STX8: variants seen among roughly 807,000 people sequenced by gnomAD.
STX8 encodes syntaxin 8.
In STX8, 23 loss-of-function variants were observed where a neutral mutation model predicts 37.5. That is an observed-to-expected ratio of 0.61 (90% CI 0.44 to 0.87). The LOEUF (loss-of-function observed/expected upper bound fraction) is 0.87, where lower values mean the gene tolerates loss of function less well. STX8 is among the 40% of genes least tolerant of loss of function. The pLI, the probability that STX8 is intolerant of heterozygous loss-of-function variation, is 0.00. For missense variants in STX8, 313 were observed against 284.7 expected (o/e 1.10, Z -0.71); for synonymous variants, 115 against 99.1 (o/e 1.16, Z -0.95).
At chr17:9,438,226 G>A (rs1485529497) in intron 6 of STX8, among the ~76,000 whole-genome samples, 1 of 134,836 alleles carries the variant, frequency 7.4e-6, no homozygotes, top group African/African-American at 2.9e-5. Context: ...CTGGGTGAGA[G>A]TGAGACTCCA....
intron 7 of STX8, among the ~76,000 whole-genome samples, chr17:9,359,430 T>A (rs1442881064): frequency 1.3e-5 from 2 of 151,780 alleles, no homozygotes; most frequent in African/African-American, 2.4e-5. Flanking sequence ...GAGAAATCCC[T>A]TGAAGGGCTC....
At chr17:9,484,485 G>C (rs919011298) in intron 6 of STX8, among the ~76,000 whole-genome samples, 1 of 151,840 alleles carries the variant, frequency 6.6e-6, no homozygotes, top group African/African-American at 2.4e-5. Context: ...ATTGGCAGGA[G>C]GGGGAAGGTA....
At chr17:9,398,261 A>C (rs1912479944) in intron 6 of STX8, among the ~76,000 whole-genome samples, 1 of 152,216 alleles carries the variant, frequency 6.6e-6, no homozygotes, top group Non-Finnish European at 1.5e-5. Context: ...TCACATTCAC[A>C]GTATGTGACA....
intron 6 of STX8, among the ~76,000 whole-genome samples, chr17:9,400,974 T>G (rs1402447812): frequency 1.3e-5 from 2 of 152,200 alleles, no homozygotes; most frequent in Non-Finnish European, 1.5e-5. Flanking sequence ...TCATGAAATA[T>G]CTAGACCCGA....
At chr17:9,337,613 C>T (rs1469205029) in intron 7 of STX8, among the ~76,000 whole-genome samples, 2 of 152,122 alleles carry the variant, frequency 1.3e-5, no homozygotes, top group Non-Finnish European at 2.9e-5. Flanking sequence ...GTGATCTGCC[C>T]GCCTTGGCCT....
At chr17:9,530,521 T>G (rs1383289165) in intron 4 of STX8, among the ~76,000 whole-genome samples, 1 of 152,200 alleles carries the variant, frequency 6.6e-6, no homozygotes, top group African/African-American at 2.4e-5. Context: ...TTTTAGCCAT[T>G]CTTGTAGTAT....
rs539401156 is a variant in STX8, at chr17:9,259,766, A to G, written c.644-9121T>C. Among the ~76,000 whole-genome samples, 7 of 152,228 alleles carry G rather than the reference A, an allele frequency of 4.6e-5. No individual in the cohort carries two copies. The South Asian group carries it at 1.5e-3, about 32-fold the overall frequency. On this transcript the variant is annotated intron_variant, in intron 7 of 7. Coordinates refer to ENST00000306357, the MANE Select transcript of STX8 (RefSeq NM_004853.3). ...GTCACAGGACGGGGTCACAGGCAGG[A>G]GGAGGAGAAGGTTAAAGCAAACCAC...
chr17:9,565,201 C>A lies in STX8; in HGVS notation c.117+3170G>T, dbSNP rs532689533. 2.6e-3 allele frequency among the ~76,000 whole-genome samples: 392 copies of A among 152,238 alleles called. 1 individual carries two copies. Among genetic ancestry groups the A allele is most frequent in the African/African-American group, 8.8e-3 (365 of 41,544 alleles). ...CCAGCATGGGCGACAGAGCAAGACT[C>A]TGTCTCAAAAAGAAATAATAAAATA... On this transcript the variant is annotated intron_variant, in intron 2 of 7. Coordinates refer to ENST00000306357, the MANE Select transcript of STX8 (RefSeq NM_004853.3).
intron 5 of STX8, among the ~76,000 whole-genome samples, chr17:9,503,984 G>A (rs78761466): frequency 0.17 from 25,080 of 151,776 alleles, 2,198 homozygotes; most frequent in South Asian, 0.24. Flanking sequence ...GGCTGGTCTC[G>A]AACTCCTGAT....
chr17:9,507,953 A>C lies in STX8; in HGVS notation c.324-2791T>G. ...CTTTCCCTGCAAAACCTACCACATAAAATTGGAAGAGGCAATTATTCCACC... is the reference window on the plus strand; with the variant it reads ...CTTTCCCTGCAAAACCTACCACATACAATTGGAAGAGGCAATTATTCCACC... On this transcript the variant is annotated intron_variant, in intron 4 of 7. Transcript: ENST00000306357. The surrounding 1 kb of genome is among the most constrained non-coding windows in gnomAD (Gnocchi z 4.0). Among the ~76,000 whole-genome samples, 1 of 152,180 alleles carries C rather than the reference A, an allele frequency of 6.6e-6. No individual in the cohort carries two copies. The highest frequency in any genetic ancestry group is 1.9e-4 in the East Asian group (1 of 5,194).
At chr17:9,280,410 G>A (rs909337278) in intron 7 of STX8, among the ~76,000 whole-genome samples, 7 of 152,136 alleles carry the variant, frequency 4.6e-5, no homozygotes, top group Non-Finnish European at 8.8e-5. Flanking sequence ...AAAATTAGCC[G>A]GGTGTGGTGG....
intron 2 of STX8, among the ~76,000 whole-genome samples, chr17:9,559,741 T>TAC (rs1907131172): frequency 7.3e-5 from 2 of 27,258 alleles, no homozygotes; most frequent in Non-Finnish European, 1.2e-4. Flanking sequence ...ATTTTATATA[T>TAC]ATATATATAT....
In STX8 at chr17:9,292,290, C is replaced by T. The variant is rs56872073; in HGVS notation, c.644-41645G>A. On this transcript the variant is annotated intron_variant, in intron 7 of 7. Coordinates refer to ENST00000306357, the MANE Select transcript of STX8 (RefSeq NM_004853.3). ...TGGAAGTCAGTGTCACGGTCTCCAC[C>T]GTGGGGCCTGTCCGTGGGGCTTCAG... Among the ~76,000 whole-genome samples, 159 of 152,338 alleles carry T rather than the reference C, an allele frequency of 1.0e-3. 1 individual carries two copies. Among genetic ancestry groups the T allele is most frequent in the African/African-American group, 3.2e-3 (135 of 41,572 alleles).
rs757411419 is a variant in STX8, at chr17:9,471,031, C to CTTTTTTTTTTTTTTTTTTTTTTTTTTTT, written c.541+20797_541+20798insAAAAAAAAAAAAAAAAAAAAAAAAAAAA. On this transcript the variant is annotated intron_variant, in intron 6 of 7. Transcript: ENST00000306357. The stretch of plus-strand genomic sequence containing the variant: ...TACAGGCGTGAGCCACTGCATCCTG[C>CTTTTTTTTTTTTTTTTTTTTTTTTTTTT]TTTTTTTTTTTTTTTTTTTTTTTGA... Among the ~76,000 whole-genome samples the CTTTTTTTTTTTTTTTTTTTTTTTTTTTT allele has an allele frequency of 1.1e-3, 37 of 33,054 alleles. 11 individuals are homozygous for CTTTTTTTTTTTTTTTTTTTTTTTTTTTT. Among genetic ancestry groups the CTTTTTTTTTTTTTTTTTTTTTTTTTTTT allele is most frequent in the Admixed American group, 2.4e-3 (5 of 2,110 alleles). The allele number at this position is 33,054 out of a possible 152,430, so 21.7% of individuals were successfully genotyped here.
At chr17:9,340,471 AAAACATGAT>A (rs1305360155) in intron 7 of STX8, among the ~76,000 whole-genome samples, 1 of 152,334 alleles carries the variant, frequency 6.6e-6, no homozygotes, top group East Asian at 1.9e-4. Flanking sequence ...CTGCAAAAGG[AAAACATGAT>A]AAACACTAGC....
chr17:9,340,142 C>T (rs1399923749), intron 7 of STX8, among the ~76,000 whole-genome samples: 1 of 152,234 alleles, frequency 6.6e-6, no homozygotes, highest in Non-Finnish European at 1.5e-5. Flanking sequence ...TTGGAATGTG[C>T]ACCTGCGTGG....
At chr17:9,525,344 CTCTTT>C (rs553454809) in intron 4 of STX8, among the ~76,000 whole-genome samples, 64 of 151,666 alleles carry the variant, frequency 4.2e-4, no homozygotes, top group African/African-American at 1.4e-3. Flanking sequence ...TCTCCATTTT[CTCTTT>C]TCTTTTTTTT....
intron 7 of STX8, among the ~76,000 whole-genome samples, chr17:9,340,080 A>G (rs193007100): frequency 1.3e-5 from 2 of 152,380 alleles, no homozygotes; most frequent in African/African-American, 4.8e-5. Context: ...AATGTGATGA[A>G]TGGGTGAAAG....
chr17:9,269,150 G>A (rs1343041969), intron 7 of STX8, among the ~76,000 whole-genome samples: 1 of 149,766 alleles, frequency 6.7e-6, no homozygotes, highest in Non-Finnish European at 1.5e-5. Context: ...TTGCGCCACT[G>A]CACTCCAGCC....
Sources: gnomAD v4.1 joint callset for allele counts (sites outside exome capture counted in the v4.1 genomes callset) on GRCh38, gnomAD v4.1.1 for gene constraint, Gnocchi (gnomAD v3.1) non-coding constraint, MANE v1.5 for transcripts, NCBI Gene and HGNC (gene_info 2026-07-23, HGNC 2026-07-21) for gene names.